The following MRAP2 variants were observed in gnomAD, a reference collection of about 807,000 sequenced individuals.
The protein encoded by MRAP2 is melanocortin 2 receptor accessory protein 2.
In MRAP2, 20 loss-of-function variants were observed where a neutral mutation model predicts 17.4. The observed-to-expected ratio is 1.15, with a 90% CI of 0.81 to 1.67. The LOEUF is 1.67. Ranked by LOEUF, MRAP2 falls within the 40% of genes most tolerant of loss-of-function variation. The pLI is 0.00. For synonymous variants in MRAP2, 96 were observed against 88.4 expected (o/e 1.09, Z -0.48); for missense variants, 238 against 240.0 (o/e 0.99, Z 0.05).
chr6:84,099,003 A>T, the MRAP2 span, among the ~76,000 whole-genome samples: 2 of 152,006 alleles, frequency 1.3e-5, no homozygotes, highest in Admixed American at 1.3e-4. Flanking sequence ...TTAGTGTCAT[A>T]TGAAAGAAAT....
the MRAP2 span, among the ~76,000 whole-genome samples, chr6:84,144,965 C>A: frequency 6.6e-6 from 1 of 152,094 alleles, no homozygotes; most frequent in Non-Finnish European, 1.5e-5. Flanking sequence ...CAGTAAGAAT[C>A]TGTTCTCTTT....
chr6:84,078,327 T>C (rs1274548560), intron 3 of MRAP2, among the ~76,000 whole-genome samples: 4 of 152,196 alleles, frequency 2.6e-5, no homozygotes, highest in Non-Finnish European at 5.9e-5. Flanking sequence ...AATAGACTCC[T>C]ACAGATGCTT....
chr6:84,059,776 T>G (rs1430212775), intron 2 of MRAP2, among the ~76,000 whole-genome samples: 4 of 152,202 alleles, frequency 2.6e-5, no homozygotes, highest in Admixed American at 1.3e-4. Context: ...GAAACTCGTT[T>G]GGAAGGCTTC....
chr6:84,076,224 AT>A (rs1253662556), intron 3 of MRAP2, among the ~76,000 whole-genome samples: 13,382 of 136,524 alleles, frequency 0.098, 1,144 homozygotes, highest in African/African-American at 0.26. Context: ...CACCCAGCTA[AT>A]TTTTTTTTTT....
At chr6:84,101,895 TATC>T in the MRAP2 span, among the ~76,000 whole-genome samples, 1 of 152,220 alleles carries the variant, frequency 6.6e-6, no homozygotes, top group Non-Finnish European at 1.5e-5. Flanking sequence ...CCTGTGTCAT[TATC>T]ATCATTATCT....
chr6:84,110,740 C>T, the MRAP2 span, among the ~76,000 whole-genome samples: 2 of 152,170 alleles, frequency 1.3e-5, no homozygotes, highest in Non-Finnish European at 2.9e-5. Context: ...TTAGGTCTTA[C>T]ATTTAAGTCT....
At chr6:84,081,454 A>G (rs1173180095) in intron 3 of MRAP2, among the ~76,000 whole-genome samples, 1 of 152,194 alleles carries the variant, frequency 6.6e-6, no homozygotes, top group African/African-American at 2.4e-5. Flanking sequence ...TGATTGGATC[A>G]TGGGGGCAGT....
chr6:84,126,230 G>T, the MRAP2 span: 1 of 522,120 alleles, frequency 1.9e-6, no homozygotes, highest in Non-Finnish European at 3.0e-6. Flanking sequence ...TCTGGTAAAA[G>T]TTATAAATTT....
the MRAP2 span, among the ~76,000 whole-genome samples, chr6:84,128,233 A>G: frequency 6.6e-6 from 1 of 152,202 alleles, no homozygotes; most frequent in Non-Finnish European, 1.5e-5. Context: ...ACAAATAGAG[A>G]AAATTTCCTT....
chr6:84,105,126 C>T, the MRAP2 span, among the ~76,000 whole-genome samples: 1 of 152,156 alleles, frequency 6.6e-6, no homozygotes, highest in Non-Finnish European at 1.5e-5. Context: ...CCCACATTTT[C>T]CTGTCTTCTT....
At chr6:84,058,431 A>G (rs1206875489) in intron 2 of MRAP2, among the ~76,000 whole-genome samples, 1 of 152,234 alleles carries the variant, frequency 6.6e-6, no homozygotes, top group Admixed American at 6.5e-5. Context: ...GCAGGATGGA[A>G]TTGCCTTTAA....
the MRAP2 span, among the ~76,000 whole-genome samples, chr6:84,113,256 T>C: frequency 3.9e-5 from 6 of 152,324 alleles, no homozygotes; most frequent in East Asian, 1.2e-3. Context: ...GAACTTGCTT[T>C]ATGAATCTTT....
the MRAP2 span, among the ~76,000 whole-genome samples, chr6:84,118,587 A>G: frequency 6.6e-6 from 1 of 152,176 alleles, no homozygotes; most frequent in African/African-American, 2.4e-5. Context: ...GGACTTTCTA[A>G]AGCCTGCAGG....
At chr6:84,045,476 A>G (rs980378622) in intron 1 of MRAP2, among the ~76,000 whole-genome samples, 2 of 151,976 alleles carry the variant, frequency 1.3e-5, no homozygotes, top group African/African-American at 4.8e-5. Flanking sequence ...AAAAATATAC[A>G]CACAGGCTGG....
At chr6:84,045,197 C>T (rs2099488659) in intron 1 of MRAP2, 1 of 985,244 alleles carries the variant, frequency 1.0e-6, no homozygotes, top group Non-Finnish European at 1.2e-6. Context: ...TAAGGAATGA[C>T]TTTATATATA....
At chr6:84,094,967 A>T (rs1327658251), downstream of MRAP2, among the ~76,000 whole-genome samples, 1 of 152,286 alleles carries the variant, frequency 6.6e-6, no homozygotes, top group Non-Finnish European at 1.5e-5. Context: ...GTCAGTTTAT[A>T]TCATGTTCTT....
chr6:84,034,035 T>C (rs572931914), intron 1 of MRAP2, among the ~76,000 whole-genome samples, 152 bp downstream of exon 1: 2 of 151,964 alleles, frequency 1.3e-5, no homozygotes, highest in East Asian at 2.0e-4. Flanking sequence ...AGGAGGAGAA[T>C]TGGGGTGTGA....
intron 3 of MRAP2, among the ~76,000 whole-genome samples, chr6:84,072,440 C>G (rs1361120545): frequency 6.6e-6 from 1 of 152,192 alleles, no homozygotes; most frequent in Non-Finnish European, 1.5e-5. Flanking sequence ...TTATGGGTCT[C>G]TCAGCCATGG....
At chr6:84,038,424 T>A (rs2099486700) in intron 1 of MRAP2, among the ~76,000 whole-genome samples, 4 of 152,206 alleles carry the variant, frequency 2.6e-5, no homozygotes, top group Admixed American at 2.6e-4. Flanking sequence ...TTATAATGGG[T>A]CAGAGTTTCT....
Sources: gnomAD v4.1 joint callset for allele counts (sites outside exome capture counted in the v4.1 genomes callset) on GRCh38, gnomAD v4.1.1 for gene constraint, MANE v1.5 for transcripts, NCBI Gene and HGNC (gene_info 2026-07-23, HGNC 2026-07-21) for gene names.